The following ST3GAL1 variants were observed in gnomAD, a reference collection of about 807,000 sequenced individuals.
The protein encoded by ST3GAL1 is ST3 beta-galactoside alpha-2,3-sialyltransferase 1.
ST3GAL1 carries 16 observed loss-of-function variants against 34.1 expected under a neutral mutation model. The ratio of observed to expected loss-of-function variants is 0.47; its 90% CI spans 0.32 to 0.71. The LOEUF is 0.71. Among genes scored for constraint, ST3GAL1 ranks in the 30% least tolerant of loss-of-function variants. The pLI, the probability that ST3GAL1 is intolerant of heterozygous loss-of-function variation, is 0.04. For missense variants in ST3GAL1, 353 were observed against 447.4 expected (o/e 0.79, Z 1.90); for synonymous variants, 191 against 184.7 (o/e 1.03, Z -0.28).
Position 133,461,831 on chromosome 8 carries a change from G to A in ST3GAL1, c.849+44C>T. The stretch of plus-strand genomic sequence containing the variant: ...TGGCCTCTCTTGGGAACACAGGACG[G>A]TGAGCTTCGAGGCAGCCCTGTGGGC... On this transcript the variant is annotated intron_variant, in intron 9 of 9. Coordinates refer to ENST00000522652, the MANE Select transcript of ST3GAL1 (RefSeq NM_173344.3). This position sits in a 1 kb window ranked among gnomAD's most constrained non-coding sequence, Gnocchi z 4.7. 1 of 1,611,936 alleles carries A rather than the reference G, an allele frequency of 6.2e-7. No homozygotes were observed. The highest frequency in any genetic ancestry group is 8.5e-7 in the Non-Finnish European group (1 of 1,178,728).
chr8:133,539,209 C>A (rs568924821), intron 2 of ST3GAL1, among the ~76,000 whole-genome samples: 2 of 152,204 alleles, frequency 1.3e-5, no homozygotes, highest in Non-Finnish European at 2.9e-5. Context: ...CCAAGAAGAA[C>A]GAAGTTCTTT....
At chr8:133,532,886 C>T (rs186275757) in intron 2 of ST3GAL1, among the ~76,000 whole-genome samples, 237 of 152,254 alleles carry the variant, frequency 1.6e-3, no homozygotes, top group Admixed American at 3.6e-3. Context: ...AGTTTGGGGA[C>T]GAGAAGCATA....
intron 1 of ST3GAL1, among the ~76,000 whole-genome samples, chr8:133,559,035 T>TTG (rs34571050): frequency 0.32 from 47,513 of 149,014 alleles, 8,260 homozygotes; most frequent in Middle Eastern, 0.49. Flanking sequence ...GAGTGTGGTT[T>TTG]TGTGTGTGTG....
intron 2 of ST3GAL1, among the ~76,000 whole-genome samples, chr8:133,530,479 A>G (rs1818120278): frequency 6.6e-6 from 1 of 152,060 alleles, no homozygotes; most frequent in Non-Finnish European, 1.5e-5. Context: ...GATGGGGTTT[A>G]ACCATGTTTG....
intron 8 of ST3GAL1, 138 bp from the exon 9 acceptor site, chr8:133,462,132 C>T: frequency 7.7e-7 from 1 of 1,297,100 alleles, no homozygotes; most frequent in Non-Finnish European, 1.1e-6. Context: ...TGTGGGCTTC[C>T]ATGCTCGTAG....
At chr8:133,502,027 G>A (rs1009551138) in intron 2 of ST3GAL1, among the ~76,000 whole-genome samples, 2 of 152,156 alleles carry the variant, frequency 1.3e-5, no homozygotes, top group African/African-American at 2.4e-5. Context: ...AGGATTCACC[G>A]GGGGACTCAA....
In ST3GAL1 at chr8:133,556,198, T is replaced by C. The variant is rs1819016071; in HGVS notation, c.-581-10272A>G. ...GGCATGAGCCACCATGCCCAGCTTGTTTTTTCTTTTTGAATCTCCACTCTC... is the reference window on the plus strand; with the variant it reads ...GGCATGAGCCACCATGCCCAGCTTGCTTTTTCTTTTTGAATCTCCACTCTC... On this transcript the variant is annotated intron_variant, in intron 1 of 9. Transcript: ENST00000522652. This position sits in a 1 kb window ranked among gnomAD's most constrained non-coding sequence, Gnocchi z 8.9. Among the ~76,000 whole-genome samples, 3 of 151,810 alleles carry C rather than the reference T, an allele frequency of 2.0e-5. No homozygotes were observed. Among genetic ancestry groups the C allele is most frequent in the Admixed American group, 2.0e-4 (3 of 15,270 alleles).
At chr8:133,517,986 A>G (rs946086602) in intron 2 of ST3GAL1, among the ~76,000 whole-genome samples, 3 of 152,208 alleles carry the variant, frequency 2.0e-5, no homozygotes, top group Non-Finnish European at 4.4e-5. Context: ...GCACCTAGTC[A>G]GTTTTACAAT....
intron 1 of ST3GAL1, among the ~76,000 whole-genome samples, chr8:133,568,745 A>AG (rs1411714538): frequency 6.6e-6 from 1 of 152,072 alleles, no homozygotes; most frequent in African/African-American, 2.4e-5. Context: ...CACACATGGG[A>AG]GAGGGCCCTT....
intron 3 of ST3GAL1, among the ~76,000 whole-genome samples, chr8:133,491,516 GGAGCC>G (rs1424735640): frequency 9.2e-5 from 14 of 152,300 alleles, no homozygotes; most frequent in African/African-American, 3.1e-4. Context: ...TGGCCGCTCT[GGAGCC>G]GAGATTCACA....
intron 2 of ST3GAL1, among the ~76,000 whole-genome samples, chr8:133,540,711 A>T: frequency 7.3e-6 from 1 of 136,732 alleles, no homozygotes; most frequent in South Asian, 2.4e-4. Flanking sequence ...ATATATACAG[A>T]CATATATATA....
At chr8:133,515,459 A>T (rs1463201921) in intron 2 of ST3GAL1, 1 of 152,214 alleles carries the variant, frequency 6.6e-6, no homozygotes, top group Non-Finnish European at 1.5e-5. Flanking sequence ...GTAATGAGTG[A>T]GTGCTCACTC....
In ST3GAL1 at chr8:133,508,214, A is replaced by G. The variant is rs1263148813; in HGVS notation, c.-428-9025T>C. The stretch of plus-strand genomic sequence containing the variant: ...CACCTGGAGTCTGATTCAAACACCA[A>G]ACTACCTGGACTCCAGAGTCCAGAA... On this transcript the variant is annotated intron_variant, in intron 2 of 9. Coordinates refer to ENST00000522652, the MANE Select transcript of ST3GAL1 (RefSeq NM_173344.3). This position sits in a 1 kb window ranked among gnomAD's most constrained non-coding sequence, Gnocchi z 4.1. Among the ~76,000 whole-genome samples the G allele has an allele frequency of 6.6e-6, 1 of 152,162 alleles. No homozygotes were observed. The highest frequency in any genetic ancestry group is 1.5e-5 in the Non-Finnish European group (1 of 68,034).
chr8:133,482,509 G>A (rs1425219912), intron 3 of ST3GAL1, among the ~76,000 whole-genome samples: 1 of 152,230 alleles, frequency 6.6e-6, no homozygotes, highest in Non-Finnish European at 1.5e-5. Context: ...TGCAGCTGCA[G>A]CCATGGCAGC....
intron 1 of ST3GAL1, among the ~76,000 whole-genome samples, chr8:133,562,870 C>G (rs1278033001): frequency 8.5e-6 from 1 of 117,796 alleles, no homozygotes; most frequent in Non-Finnish European, 1.6e-5. Flanking sequence ...TTTTTTTTCC[C>G]ACTGGGCCTT....
intron 5 of ST3GAL1, among the ~76,000 whole-genome samples, chr8:133,471,489 A>C (rs1815959744): frequency 6.6e-6 from 1 of 152,204 alleles, no homozygotes; most frequent in Admixed American, 6.5e-5. Context: ...CTTCTCACTG[A>C]GTTTCTATAA....
chr8:133,482,602 T>C (rs1363800680), intron 3 of ST3GAL1, among the ~76,000 whole-genome samples: 3 of 152,228 alleles, frequency 2.0e-5, no homozygotes, highest in African/African-American at 2.4e-5. Flanking sequence ...AGGCCAGCTC[T>C]GCACAGACAG....
intron 2 of ST3GAL1, chr8:133,539,546 C>T (rs1818406619): frequency 6.6e-6 from 1 of 152,204 alleles, no homozygotes; most frequent in African/African-American, 2.4e-5. Context: ...ACCCAAAGAA[C>T]CAGAACTGCA....
Position 133,459,820 on chromosome 8 carries a change from T to C in ST3GAL1, c.967A>G (p.Asn323Asp). The C allele has an allele frequency of 6.2e-7, 1 of 1,614,038 alleles. No homozygotes were observed. The highest frequency in any genetic ancestry group is 2.2e-5 in the East Asian group (1 of 44,852). ...ATGGAGGCCAAGGTGGCCGTCACGT[T>C]AGACTCAAAGTCTGCATCGTGCACC... ...TGVHDADFES[N>D]VTATLASINK... The change falls in exon 10 of 10, where the codon AAC becomes GAC. Residue 323 changes from asparagine to aspartate, a missense_variant. Coordinates refer to ENST00000522652, the MANE Select transcript of ST3GAL1 (RefSeq NM_173344.3). This position sits in a 1 kb window ranked among gnomAD's most constrained non-coding sequence, Gnocchi z 4.7.
Sources: gnomAD v4.1 joint callset for allele counts (sites outside exome capture counted in the v4.1 genomes callset) on GRCh38, gnomAD v4.1.1 for gene constraint, Gnocchi (gnomAD v3.1) non-coding constraint, MANE v1.5 for transcripts, NCBI Gene and HGNC (gene_info 2026-07-23, HGNC 2026-07-21) for gene names.